MNAT1: variants seen among roughly 807,000 people sequenced by gnomAD.
The protein encoded by MNAT1 is CDK-activating kinase assembly factor MAT1.
A neutral mutation model predicts 42.0 loss-of-function variants in MNAT1; 43 were observed. The observed-to-expected ratio is 1.02, with a 90% CI of 0.80 to 1.32. The LOEUF is 1.32. MNAT1 is among the 40% of genes most tolerant of loss of function. MNAT1 has a pLI of 0.00. For synonymous variants in MNAT1, 118 were observed against 120.0 expected (o/e 0.98, Z 0.11); for missense variants, 306 against 350.4 (o/e 0.87, Z 1.01).
chr14:60,961,164 G>T (rs939133108), intron 7 of MNAT1, among the ~76,000 whole-genome samples: 1 of 152,114 alleles, frequency 6.6e-6, no homozygotes, highest in Non-Finnish European at 1.5e-5. Flanking sequence ...GTTTCTCCAT[G>T]TTGGTCGGGC....
intron 6 of MNAT1, among the ~76,000 whole-genome samples, chr14:60,876,666 T>A (rs908525117): frequency 6.6e-6 from 1 of 152,000 alleles, no homozygotes; most frequent in Non-Finnish European, 1.5e-5. Flanking sequence ...ATTAGTGGAG[T>A]CATATACTTT....
At chr14:60,900,379 A>C (rs1471375077) in intron 7 of MNAT1, among the ~76,000 whole-genome samples, 1 of 152,202 alleles carries the variant, frequency 6.6e-6, no homozygotes, top group Non-Finnish European at 1.5e-5. Context: ...AAACAGCCTG[A>C]TTGCTGCTAT....
intron 1 of MNAT1, among the ~76,000 whole-genome samples, chr14:60,776,142 C>G (rs1183545599): frequency 6.6e-6 from 1 of 152,088 alleles, no homozygotes; most frequent in African/African-American, 2.4e-5. Context: ...GGTTTTAATT[C>G]TAGATGCTGT....
At chr14:60,750,481 C>T (rs1486998022) in intron 1 of MNAT1, among the ~76,000 whole-genome samples, 4 of 149,384 alleles carry the variant, frequency 2.7e-5, no homozygotes, top group African/African-American at 9.8e-5. Flanking sequence ...CCGCTTGCCT[C>T]GGCCTCCCAA....
At chr14:60,745,291 C>T (rs1244254150) in intron 1 of MNAT1, among the ~76,000 whole-genome samples, 1 of 152,158 alleles carries the variant, frequency 6.6e-6, no homozygotes, top group East Asian at 1.9e-4. Context: ...TATGGTTGCT[C>T]ATGGTGGGAA....
chr14:60,863,474 G>A (rs1056242192), intron 6 of MNAT1, among the ~76,000 whole-genome samples: 7 of 152,058 alleles, frequency 4.6e-5, no homozygotes, highest in South Asian at 2.1e-4. Flanking sequence ...AACAACTGAC[G>A]GAATGTTAGT....
chr14:60,911,722 A>G (rs925968897), intron 7 of MNAT1, among the ~76,000 whole-genome samples: 1 of 152,070 alleles, frequency 6.6e-6, no homozygotes, highest in African/African-American at 2.4e-5. Context: ...ACATTTGCTG[A>G]GGAGTGTTTT....
Position 60,814,655 on chromosome 14 carries a change from T to C in MNAT1, c.561+2528T>C, listed in dbSNP as rs150585264. ...TAAAAAAAGAGAAAGCAAGATTACT[T>C]AAATTATAAGGAGGTGAGAAACTAA... On this transcript the variant is annotated intron_variant, in intron 5 of 7. Transcript: ENST00000261245. 5.2e-3 allele frequency among the ~76,000 whole-genome samples: 785 copies of C among 152,212 alleles called. 10 individuals carry two copies. The highest frequency in any genetic ancestry group is 0.017 in the African/African-American group (706 of 41,538).
intron 7 of MNAT1, among the ~76,000 whole-genome samples, chr14:60,909,658 G>C (rs1391497323): frequency 1.3e-5 from 2 of 152,098 alleles, no homozygotes; most frequent in East Asian, 3.9e-4. Context: ...ATTTCTGAGG[G>C]CTCTGTTCTG....
intron 7 of MNAT1, among the ~76,000 whole-genome samples, chr14:60,901,599 A>G (rs1332928500): frequency 6.6e-6 from 1 of 152,234 alleles, no homozygotes; most frequent in Admixed American, 6.5e-5. Context: ...TGCATTAGGA[A>G]TATTTGTGAT....
intron 4 of MNAT1, 183 bp downstream of exon 4, chr14:60,808,611 A>G (rs1185073379): frequency 2.5e-6 from 1 of 407,198 alleles, no homozygotes; most frequent in East Asian, 4.6e-5. Flanking sequence ...TACTGTAGCA[A>G]AAACCACTTT....
intron 7 of MNAT1, among the ~76,000 whole-genome samples, chr14:60,916,693 TG>T (rs2035522421): frequency 6.6e-6 from 1 of 152,186 alleles, no homozygotes; most frequent in Admixed American, 6.5e-5. Context: ...GGCTTATGCC[TG>T]TAATCCTAGC....
intron 7 of MNAT1, among the ~76,000 whole-genome samples, chr14:60,952,395 A>G (rs1279849498): frequency 2.0e-5 from 3 of 152,186 alleles, no homozygotes; most frequent in Non-Finnish European, 2.9e-5. Flanking sequence ...ATAGGTTGGA[A>G]TGGAGAGAAC....
chr14:60,768,425 T>C (rs2030922238), intron 1 of MNAT1, among the ~76,000 whole-genome samples: 1 of 152,208 alleles, frequency 6.6e-6, no homozygotes, highest in Non-Finnish European at 1.5e-5. Flanking sequence ...GTTTTGGTTT[T>C]AAATGATATG....
chr14:60,916,363 G>A (rs993679936), intron 7 of MNAT1, among the ~76,000 whole-genome samples: 2 of 152,150 alleles, frequency 1.3e-5, no homozygotes, highest in African/African-American at 4.8e-5. Flanking sequence ...TTATATAAAT[G>A]TAAGCATTGG....
At chr14:60,930,206 T>TTTATTATTATTATTATTATTA (rs71114168) in intron 7 of MNAT1, among the ~76,000 whole-genome samples, 1 of 138,750 alleles carries the variant, frequency 7.2e-6, no homozygotes, top group African/African-American at 2.6e-5. Flanking sequence ...TTCTTCCGTC[T>TTTATTATTATTATTATTATTA]TTATTATTAT....
chr14:60,765,828 C>G (rs999970958), intron 1 of MNAT1, among the ~76,000 whole-genome samples: 2 of 152,148 alleles, frequency 1.3e-5, no homozygotes, highest in East Asian at 1.9e-4. Flanking sequence ...GGTTGTGACT[C>G]TAGCAGAGGT....
chr14:60,906,022 T>G (rs907363332), intron 7 of MNAT1, among the ~76,000 whole-genome samples: 6 of 152,210 alleles, frequency 3.9e-5, no homozygotes, highest in Non-Finnish European at 8.8e-5. Flanking sequence ...TGGAGTAGTG[T>G]GCTATTTTTG....
Position 60,951,912 on chromosome 14 carries a change from C to A in MNAT1, c.810-16317C>A, listed in dbSNP as rs145700476. Among the ~76,000 whole-genome samples the A allele has an allele frequency of 6.3e-3, 955 of 152,180 alleles. 10 individuals carry two copies. The highest frequency in any genetic ancestry group is 7.8e-3 in the Non-Finnish European group (530 of 67,994). The stretch of plus-strand genomic sequence containing the variant: ...CACTGAGTCTGAACCAGTTGTTATT[C>A]TTAATTTTTTGCGGGTGGAGCAGGC... On this transcript the variant is annotated intron_variant, in intron 7 of 7. Coordinates refer to ENST00000261245, the MANE Select transcript of MNAT1 (RefSeq NM_002431.4).
Sources: allele counts gnomAD v4.1 joint callset (sites outside exome capture counted in the v4.1 genomes callset), GRCh38; gene constraint gnomAD v4.1.1; transcripts MANE v1.5; gene names NCBI Gene and HGNC (gene_info 2026-07-23, HGNC 2026-07-21).